Variants in NBEA observed in about 807,000 individuals in gnomAD.
The protein encoded by NBEA is neurobeachin, also known as lysosomal-trafficking regulator 2.
Under a neutral mutation model 343.4 loss-of-function variants are expected in NBEA, and 44 were observed. That is an observed-to-expected ratio of 0.13 (90% confidence interval 0.10 to 0.16). NBEA has a LOEUF of 0.16. NBEA is among the 10% of genes least tolerant of loss of function. NBEA has a pLI of 1.00. For missense variants in NBEA, 2,555 were observed against 3,631.3 expected (o/e 0.70, Z 7.62); for synonymous variants, 1,175 against 1,238.7 (o/e 0.95, Z 1.08).
intron 35 of NBEA, 145 bp from the exon 36 acceptor site, chr13:35,309,383 A>G (rs955367125): frequency 1.7e-6 from 1 of 593,284 alleles, no homozygotes; most frequent in Non-Finnish European, 3.0e-6. Flanking sequence ...TTTTTACAAA[A>G]TAATATTCAT....
At chr13:35,323,801 T>G (rs1049812882) in intron 36 of NBEA, among the ~76,000 whole-genome samples, 2 of 152,156 alleles carry the variant, frequency 1.3e-5, no homozygotes, top group African/African-American at 4.8e-5. Flanking sequence ...TTAAATATAC[T>G]TTTCTCCTTA....
At chr13:35,363,337 T>G (rs187104813) in intron 38 of NBEA, among the ~76,000 whole-genome samples, 1 of 151,944 alleles carries the variant, frequency 6.6e-6, no homozygotes, top group Non-Finnish European at 1.5e-5. Context: ...TACATTAGTT[T>G]CTATACTAAG....
intron 30 of NBEA, among the ~76,000 whole-genome samples, chr13:35,192,224 T>G (rs1234231091): frequency 6.6e-6 from 1 of 152,052 alleles, no homozygotes; most frequent in Non-Finnish European, 1.5e-5. Context: ...AATCATGGAT[T>G]AAATCCTCAA....
intron 1 of NBEA, among the ~76,000 whole-genome samples, chr13:35,028,216 G>A (rs552130956): frequency 1.4e-4 from 22 of 151,836 alleles, no homozygotes; most frequent in Admixed American, 5.9e-4. Flanking sequence ...AAATATTTCC[G>A]GGATTTATAG....
At chr13:35,586,488 C>A (rs2081297052) in intron 46 of NBEA, among the ~76,000 whole-genome samples, 1 of 152,104 alleles carries the variant, frequency 6.6e-6, no homozygotes, top group African/African-American at 2.4e-5. Flanking sequence ...AAAATGAACT[C>A]TGTAATGATA....
intron 40 of NBEA, among the ~76,000 whole-genome samples, chr13:35,471,200 A>G (rs2075629981): frequency 6.6e-6 from 1 of 152,220 alleles, no homozygotes; most frequent in South Asian, 2.1e-4. Flanking sequence ...ACGGCCCGGC[A>G]TTGTGCAGGA....
Position 35,005,598 on chromosome 13 carries a change from C to T in NBEA, c.295-35335C>T, listed in dbSNP as rs534306795. Among the ~76,000 whole-genome samples, 6 of 152,190 alleles carry T rather than the reference C, an allele frequency of 3.9e-5. No homozygotes were observed. In the South Asian group the frequency reaches 1.2e-3, roughly 32 times the overall value. On this transcript the variant is annotated intron_variant, in intron 1 of 58. Transcript: ENST00000379939. Reference sequence around the variant, plus strand: ...GTTCTTGACCCAATGGAGATTGATTCCTTGGTATTAGAGCATTTCTTCTCT... The same window carrying T: ...GTTCTTGACCCAATGGAGATTGATTTCTTGGTATTAGAGCATTTCTTCTCT...
intron 43 of NBEA, among the ~76,000 whole-genome samples, chr13:35,553,784 G>C (rs1283244480): frequency 6.6e-6 from 1 of 152,098 alleles, no homozygotes; most frequent in Non-Finnish European, 1.5e-5. Flanking sequence ...ATTCTCAGGG[G>C]TGCTGCAGGT....
intron 17 of NBEA, among the ~76,000 whole-genome samples, chr13:35,134,189 C>A (rs2067588593): frequency 6.6e-6 from 1 of 151,850 alleles, no homozygotes; most frequent in Non-Finnish European, 1.5e-5. Flanking sequence ...TGCAAAAGAA[C>A]TTGATAAAAT....
At chr13:35,210,760 C>T (rs2073717733) in intron 32 of NBEA, among the ~76,000 whole-genome samples, 1 of 152,090 alleles carries the variant, frequency 6.6e-6, no homozygotes, top group Admixed American at 6.6e-5. Context: ...ATTGTTTTAT[C>T]AGCATCATTT....
chr13:35,037,537 C>T (rs1164133575), intron 1 of NBEA, among the ~76,000 whole-genome samples: 1 of 152,068 alleles, frequency 6.6e-6, no homozygotes, highest in African/African-American at 2.4e-5. Context: ...TTATAGCCAC[C>T]CTTCTTGGGA....
intron 41 of NBEA, among the ~76,000 whole-genome samples, chr13:35,536,646 T>TAAATA (rs1555295308): frequency 1.6e-4 from 16 of 99,404 alleles, no homozygotes; most frequent in African/African-American, 9.4e-4. Flanking sequence ...AATAGATAGA[T>TAAATA]GATAGATAGA....
intron 1 of NBEA, among the ~76,000 whole-genome samples, chr13:34,996,809 T>C (rs542775524): frequency 1.3e-5 from 2 of 152,296 alleles, no homozygotes; most frequent in Admixed American, 6.5e-5. Flanking sequence ...GTATTATGTG[T>C]TAAGTAAATA....
At chr13:34,976,629 T>A (rs921424281) in intron 1 of NBEA, among the ~76,000 whole-genome samples, 4 of 151,584 alleles carry the variant, frequency 2.6e-5, no homozygotes, top group African/African-American at 7.2e-5. Context: ...TGGATAGATA[T>A]CTTTTTCTTT....
At chr13:34,988,450 C>G (rs1216379299) in intron 1 of NBEA, among the ~76,000 whole-genome samples, 2 of 151,170 alleles carry the variant, frequency 1.3e-5, no homozygotes, top group African/African-American at 2.4e-5. Context: ...TGGGGTCCAC[C>G]CAGTTCGAGC....
chr13:35,084,320 T>A (rs2064605528), intron 10 of NBEA, among the ~76,000 whole-genome samples: 1 of 152,194 alleles, frequency 6.6e-6, no homozygotes, highest in Non-Finnish European at 1.5e-5. Flanking sequence ...GACCACATAG[T>A]TGTAAGTAAA....
intron 53 of NBEA, among the ~76,000 whole-genome samples, chr13:35,652,581 C>T (rs1320408514): frequency 2.1e-5 from 3 of 142,918 alleles, no homozygotes; most frequent in African/African-American, 7.8e-5. Flanking sequence ...GCGGAGCTTG[C>T]AGTGAGCCAA....
At position 35,058,796 on chromosome 13, in the gene NBEA, A is replaced by G; in HGVS notation, c.1172A>G (p.Tyr391Cys). The G allele has an allele frequency of 1.2e-6, 2 of 1,605,840 alleles. No individual in the cohort carries two copies. Among genetic ancestry groups the G allele is most frequent in the Non-Finnish European group, 1.7e-6 (2 of 1,175,636 alleles). Residue 391 changes from tyrosine to cysteine, a missense_variant, in exon 8 of 59, where the codon TAT becomes TGT. Physicochemically the swap from Tyr to Cys is radical, Grantham distance 194 (BLOSUM62 -2). Coordinates refer to ENST00000379939, the MANE Select transcript of NBEA (RefSeq NM_001385012.1). ...RVFCGQLGAV[Y>C]VFSEALNPAQ... ...TTCTGTGGTCAACTTGGTGCCGTGT[A>G]TGTGTTCAGTGAAGCACTCAACCCA...
intron 24 of NBEA, chr13:35,165,199 G>A (rs1241669620): frequency 8.0e-6 from 4 of 498,432 alleles, no homozygotes; most frequent in Non-Finnish European, 1.6e-5. Flanking sequence ...GTGAGACACT[G>A]TTTCCAAGTT....
Sources: allele counts gnomAD v4.1 joint callset (sites outside exome capture counted in the v4.1 genomes callset), GRCh38; gene constraint gnomAD v4.1.1; transcripts MANE v1.5; gene names NCBI Gene and HGNC (gene_info 2026-07-23, HGNC 2026-07-21).